TNFSF4: variants seen among roughly 807,000 people sequenced by gnomAD.
TNFSF4 encodes the protein TNF superfamily member 4.
A neutral mutation model predicts 7.3 loss-of-function variants in TNFSF4; 4 were observed. The ratio of observed to expected loss-of-function variants is 0.55; its 90% CI spans 0.27 to 1.25. TNFSF4 has a LOEUF of 1.25. Among genes scored for constraint, TNFSF4 ranks in the 50% most tolerant of loss-of-function variants. TNFSF4 has a pLI of 0.12. For synonymous variants in TNFSF4, 76 were observed against 83.7 expected (o/e 0.91, Z 0.50); for missense variants, 181 against 208.8 (o/e 0.87, Z 0.82).
At chr1:173,213,390 T>C in the TNFSF4 span, among the ~76,000 whole-genome samples, 1 of 152,196 alleles carries the variant, frequency 6.6e-6, no homozygotes, top group Non-Finnish European at 1.5e-5. Context: ...CTGAAATTTT[T>C]CTCTGAATGG....
the TNFSF4 span, among the ~76,000 whole-genome samples, chr1:173,445,019 G>T: frequency 2.5e-4 from 38 of 152,248 alleles, no homozygotes; most frequent in Non-Finnish European, 4.9e-4. Flanking sequence ...GGATAGTCAT[G>T]GTTTCTACTT....
Position 173,185,094 on chromosome 1 carries a change from T to C in TNFSF4, c.*1422A>G, listed in dbSNP as rs1020989650. 2 of 152,236 alleles carry C rather than the reference T, an allele frequency of 1.3e-5. No individual in the cohort carries two copies. The highest frequency in any genetic ancestry group is 2.4e-5 in the African/African-American group (1 of 41,460). The allele number at this position is 152,236 out of a possible 1,614,324, so 9.4% of individuals were successfully genotyped here. ...ACCTTTCTGGAGATTCTAGAGATAA[T>C]TGTAGCACAGTACAATTCCTTGATA... On this transcript the variant is annotated 3_prime_UTR_variant, in exon 3 of 3. Coordinates refer to ENST00000281834, the MANE Select transcript of TNFSF4 (RefSeq NM_003326.5).
intron 1 of TNFSF4, among the ~76,000 whole-genome samples, chr1:173,189,066 C>T (rs539213427): frequency 1.5e-3 from 231 of 152,176 alleles, no homozygotes; most frequent in African/African-American, 5.2e-3. Context: ...TTCCACCTTC[C>T]CCCTTGCTTT....
chr1:173,196,544 G>A (rs560610709), intron 1 of TNFSF4, among the ~76,000 whole-genome samples: 7 of 152,036 alleles, frequency 4.6e-5, no homozygotes, highest in African/African-American at 7.3e-5. Flanking sequence ...ACTAAGTAAC[G>A]GCTATGAGTT....
chr1:173,195,712 C>T (rs1030057948), intron 1 of TNFSF4, among the ~76,000 whole-genome samples: 7 of 152,200 alleles, frequency 4.6e-5, no homozygotes, highest in Non-Finnish European at 1.0e-4. Flanking sequence ...GTGGCAGGAG[C>T]AAATGATACT....
intron 1 of TNFSF4, among the ~76,000 whole-genome samples, chr1:173,188,824 C>A (rs996302539): frequency 1.3e-5 from 2 of 152,132 alleles, no homozygotes; most frequent in Admixed American, 6.5e-5. Context: ...GTGATTCCCC[C>A]ACCTCAGCCT....
At chr1:173,194,229 A>G (rs574006903) in intron 1 of TNFSF4, among the ~76,000 whole-genome samples, 1 of 152,346 alleles carries the variant, frequency 6.6e-6, no homozygotes, top group Admixed American at 6.5e-5. Flanking sequence ...TATGGTTGTC[A>G]TATTATTTGG....
the TNFSF4 span, among the ~76,000 whole-genome samples, chr1:173,306,885 C>T: frequency 2.9e-4 from 44 of 152,000 alleles, no homozygotes; most frequent in South Asian, 9.1e-3. Flanking sequence ...GAGCTCAGGC[C>T]TCCAACTCTC....
chr1:173,188,264 G>A (rs1189791357), intron 2 of TNFSF4, among the ~76,000 whole-genome samples: 1 of 152,188 alleles, frequency 6.6e-6, no homozygotes, highest in East Asian at 1.9e-4. Context: ...AAGGTTCCTT[G>A]GAGGATTAAA....
the TNFSF4 span, among the ~76,000 whole-genome samples, chr1:173,448,503 C>A: frequency 0.61 from 92,081 of 151,842 alleles, 29,918 homozygotes; most frequent in South Asian, 0.78. Flanking sequence ...TGGGCTGAGT[C>A]CGAAAAGAGA....
the TNFSF4 span, among the ~76,000 whole-genome samples, chr1:173,383,112 G>T: frequency 6.6e-6 from 1 of 152,150 alleles, no homozygotes; most frequent in South Asian, 2.1e-4. Context: ...AGTATTAGGT[G>T]CAGGAGATCA....
the TNFSF4 span, among the ~76,000 whole-genome samples, chr1:173,311,511 C>A: frequency 6.6e-5 from 10 of 151,994 alleles, no homozygotes; most frequent in African/African-American, 1.4e-4. Context: ...GGCTGAGATT[C>A]AAACCTCATT....
intron 1 of TNFSF4, 40 bp from the exon 2 acceptor site, chr1:173,188,609 T>A (rs1188123046): frequency 5.2e-6 from 8 of 1,546,342 alleles, no homozygotes; most frequent in Non-Finnish European, 5.4e-6. Flanking sequence ...GAAAAAAACA[T>A]GAACAAATGA....
At position 173,207,214 on chromosome 1, in the gene TNFSF4, A is replaced by G. The variant is rs1379871143; in HGVS notation, c.-38T>C. ...GGTAGAGGGAAGATGAAGATATGGA[A>G]AAGGGGAACGTGCGATAAAACTGAA... On this transcript the variant is annotated 5_prime_UTR_variant, in exon 1 of 3. Coordinates refer to ENST00000281834, the MANE Select transcript of TNFSF4 (RefSeq NM_003326.5). The G allele has an allele frequency of 1.3e-6, 2 of 1,573,732 alleles. No individual in the cohort carries two copies. Among genetic ancestry groups the G allele is most frequent in the Non-Finnish European group, 1.7e-6 (2 of 1,149,986 alleles).
the TNFSF4 span, among the ~76,000 whole-genome samples, chr1:173,307,090 G>C: frequency 6.6e-6 from 1 of 151,878 alleles, no homozygotes; most frequent in South Asian, 2.1e-4. Flanking sequence ...AAAACTGTCA[G>C]ATAAATATAT....
the TNFSF4 span, among the ~76,000 whole-genome samples, chr1:173,226,556 A>G: frequency 6.6e-6 from 1 of 152,220 alleles, no homozygotes; most frequent in Admixed American, 6.5e-5. Context: ...TCATCTTTAA[A>G]TCACTGTATT....
chr1:173,359,510 TAAAAAAAAA>T, the TNFSF4 span, among the ~76,000 whole-genome samples: 130 of 122,722 alleles, frequency 1.1e-3, 1 homozygote, highest in African/African-American at 3.6e-3. Context: ...TTACCAGCTG[TAAAAAAAAA>T]AAAAAAAAAA....
chr1:173,359,592 T>C, the TNFSF4 span, among the ~76,000 whole-genome samples: 1 of 151,704 alleles, frequency 6.6e-6, no homozygotes, highest in Non-Finnish European at 1.5e-5. Context: ...CTTCCTCTCT[T>C]TACTATTTTC....
At chr1:173,190,019 G>A (rs1418295180) in intron 1 of TNFSF4, among the ~76,000 whole-genome samples, 2 of 150,940 alleles carry the variant, frequency 1.3e-5, no homozygotes, top group African/African-American at 4.9e-5. Context: ...AGATCAGCCT[G>A]GCCAACATGG....
Sources: gnomAD v4.1 joint callset for allele counts (sites outside exome capture counted in the v4.1 genomes callset) on GRCh38, gnomAD v4.1.1 for gene constraint, MANE v1.5 for transcripts, NCBI Gene and HGNC (gene_info 2026-07-23, HGNC 2026-07-21) for gene names.